MAK: variants seen among roughly 807,000 people sequenced by gnomAD.
MAK encodes serine/threonine-protein kinase MAK.
MAK carries 65 observed loss-of-function variants against 82.6 expected under a neutral mutation model. The observed-to-expected ratio is 0.79, with a 90% CI of 0.64 to 0.97. The LOEUF is 0.97. Among genes scored for constraint, MAK ranks in the 50% least tolerant of loss-of-function variants. The probability of loss-of-function intolerance (pLI) is 0.00; values close to 1 mark genes in which losing one functional copy is unlikely to be tolerated. For missense variants in MAK, 703 were observed against 780.2 expected (o/e 0.90, Z 1.18); for synonymous variants, 250 against 274.2 (o/e 0.91, Z 0.87).
chr6:10,813,118 A>T (rs1561987278), intron 5 of MAK, among the ~76,000 whole-genome samples: 487 of 3,226 alleles, frequency 0.15, 158 homozygotes, highest in East Asian at 0.37. Context: ...ATATATATAT[A>T]TATATATATA....
chr6:10,836,625 C>CAA (rs1779164369), intron 1 of MAK, among the ~76,000 whole-genome samples: 1 of 152,166 alleles, frequency 6.6e-6, no homozygotes, highest in Admixed American at 6.5e-5. Context: ...TATTTCTCTA[C>CAA]AAGTTACATA....
intron 1 of MAK, among the ~76,000 whole-genome samples, chr6:10,833,812 G>A (rs1778979980): frequency 1.3e-5 from 2 of 151,960 alleles, no homozygotes; most frequent in South Asian, 2.1e-4. Context: ...GATTAAGCCC[G>A]AGCTAATAAT....
At position 10,834,015 on chromosome 6, in the gene MAK, A is replaced by G. The variant is rs544331052; in HGVS notation, c.-229-3138T>C. Among the ~76,000 whole-genome samples, 37 of 152,332 alleles carry G rather than the reference A, an allele frequency of 2.4e-4. 2 individuals carry two copies. Among genetic ancestry groups the G allele is most frequent in the Admixed American group, 2.4e-3 (36 of 15,300 alleles). On this transcript the variant is annotated intron_variant, in intron 1 of 14. Transcript: ENST00000354489. ...ATTTTGCCTTTATCTGTATAAGCAA[A>G]TATAATTTGGAAAAATCTTTTGGGT... is the stretch of plus-strand genomic sequence containing the variant.
Position 10,819,953 on chromosome 6 carries a change from A to T in MAK, c.102-1013T>A, listed in dbSNP as rs374293919. Among the ~76,000 whole-genome samples the T allele has an allele frequency of 5.3e-5, 8 of 151,682 alleles. No homozygotes were observed. The East Asian group carries it at 1.6e-3, about 30-fold the overall frequency. On this transcript the variant is annotated intron_variant, in intron 2 of 14. Transcript: ENST00000354489. ...CAGTGAAACCTCATCTCTACTAAAA[A>T]TACAAAAAATTAGCCAGGCGTGGTG...
intron 5 of MAK, 94 bp from the exon 6 acceptor site, chr6:10,809,036 C>A (rs1467998899): frequency 1.2e-5 from 14 of 1,135,512 alleles, no homozygotes; most frequent in Non-Finnish European, 1.7e-5. Flanking sequence ...TGAACCCCCT[C>A]TTTTATAATT....
In MAK at chr6:10,796,304, C is replaced by A; in HGVS notation, c.837G>T (p.Leu279Phe). ...GACCAACTTGAAAATATGGGTGTTT[C>A]AATGCCTATAAAAACACAGAGAAAA... ...PKKRPTASQA[L>F]KHPYFQVGQV... Residue 279 changes from leucine to phenylalanine, a missense_variant, in exon 9 of 15, where the codon TTG (leucine) becomes TTT (phenylalanine). Physicochemically the swap from Leu to Phe is conservative, Grantham distance 22. Coordinates refer to ENST00000354489, the MANE Select transcript of MAK (RefSeq NM_001242957.3). The A allele has an allele frequency of 6.2e-7, 1 of 1,611,774 alleles. No homozygotes were observed. The highest frequency in any genetic ancestry group is 1.3e-5 in the African/African-American group (1 of 75,004).
chr6:10,813,130 ATATAAAT>A (rs1777163035), intron 5 of MAK, among the ~76,000 whole-genome samples: 4 of 770 alleles, frequency 5.2e-3, no homozygotes, highest in African/African-American at 0.011. Flanking sequence ...ATATATATAT[ATATAAAT>A]TTTTTTTTTT....
At chr6:10,821,149 A>G (rs1186080431) in intron 2 of MAK, among the ~76,000 whole-genome samples, 2 of 152,030 alleles carry the variant, frequency 1.3e-5, no homozygotes. Context: ...GGGTTTCACC[A>G]TGTTGCTCAT....
chr6:10,837,477 C>CGG (rs1220268950), intron 1 of MAK, among the ~76,000 whole-genome samples: 1 of 152,238 alleles, frequency 6.6e-6, no homozygotes, highest in Non-Finnish European at 1.5e-5. Flanking sequence ...TTCTCCCTCC[C>CGG]GGTCAAGCCT....
At position 10,764,467 on chromosome 6, in the gene MAK, A is replaced by G. The variant is rs1772209641; in HGVS notation, c.1932T>C (p.Tyr644=). The G allele has an allele frequency of 6.2e-7, 1 of 1,613,958 alleles. No homozygotes were observed. The highest frequency in any genetic ancestry group is 1.3e-5 in the African/African-American group (1 of 74,926). ...CCATAGACTCCTACCGGTGGCCTCC[A>G]TACTTGGCCACCCAGTCTGTCCTCC... ...VHGRTDWVAK[Y]GGHR Residue 644 remains tyrosine, a synonymous_variant, in exon 15 of 15, where the codon TAT becomes TAC. Transcript: ENST00000354489.
chr6:10,775,228 G>A (rs1157303059), intron 12 of MAK, 100 bp downstream of exon 12: 2 of 1,396,946 alleles, frequency 1.4e-6, no homozygotes, highest in Non-Finnish European at 2.0e-6. Flanking sequence ...TATCTCCCAA[G>A]TGCACATGTA....
At chr6:10,818,084 G>C (rs889863310) in intron 3 of MAK, 113 bp from the exon 4 acceptor site, 30 of 566,596 alleles carry the variant, frequency 5.3e-5, no homozygotes, top group Non-Finnish European at 8.0e-5. Context: ...CATTTCTCCT[G>C]GGTTCATTAA....
At chr6:10,782,535 TC>T (rs1055942185) in intron 11 of MAK, among the ~76,000 whole-genome samples, 15 of 151,980 alleles carry the variant, frequency 9.9e-5, no homozygotes, top group African/African-American at 1.9e-4. Flanking sequence ...TCATTTTTTT[TC>T]TTTTCCCCAA....
chr6:10,794,780 G>C (rs1031926241), intron 9 of MAK, among the ~76,000 whole-genome samples: 9 of 152,226 alleles, frequency 5.9e-5, no homozygotes, highest in Middle Eastern at 6.8e-3. Flanking sequence ...ATCACCTGAG[G>C]TCAGGAGTTC....
At chr6:10,811,291 G>A (rs1319677268) in intron 5 of MAK, among the ~76,000 whole-genome samples, 10 of 152,220 alleles carry the variant, frequency 6.6e-5, no homozygotes, top group East Asian at 1.9e-4. Context: ...GAGCCACCAC[G>A]CCCGGCCAAA....
At chr6:10,830,227 G>A (rs1178533297) in intron 2 of MAK, among the ~76,000 whole-genome samples, 1 of 151,230 alleles carries the variant, frequency 6.6e-6, no homozygotes. Flanking sequence ...GTGCGGTGGC[G>A]CGATCTCAGC....
intron 11 of MAK, among the ~76,000 whole-genome samples, chr6:10,778,751 C>T (rs1044828579): frequency 6.6e-6 from 1 of 151,994 alleles, no homozygotes; most frequent in Admixed American, 6.6e-5. Flanking sequence ...GTAGAAATGA[C>T]ACAGGATGTT....
intron 13 of MAK, among the ~76,000 whole-genome samples, chr6:10,772,417 C>G (rs1217938070): frequency 6.6e-6 from 1 of 151,198 alleles, no homozygotes; most frequent in Non-Finnish European, 1.5e-5. Context: ...AATCTTGGTT[C>G]ACTGCAACCT....
intron 11 of MAK, among the ~76,000 whole-genome samples, chr6:10,780,998 A>G (rs1037271295): frequency 6.6e-6 from 1 of 151,516 alleles, no homozygotes; most frequent in African/African-American, 2.4e-5. Flanking sequence ...CTTGATCCCA[A>G]CTCCTCTCCC....
Sources: gnomAD v4.1 joint callset for allele counts (sites outside exome capture counted in the v4.1 genomes callset) on GRCh38, gnomAD v4.1.1 for gene constraint, MANE v1.5 for transcripts, NCBI Gene and HGNC (gene_info 2026-07-23, HGNC 2026-07-21) for gene names.